Variants in MEI1 observed in about 807,000 individuals in gnomAD.
The protein encoded by MEI1 is meiotic double-stranded break formation protein 1, also known as meiosis inhibitor protein 1.
MEI1 carries 103 observed loss-of-function variants against 146.2 expected under a neutral mutation model. The ratio of observed to expected loss-of-function variants is 0.70; its 90% CI spans 0.60 to 0.83. The LOEUF is 0.83. Among genes scored for constraint, MEI1 ranks in the 40% least tolerant of loss-of-function variants. The pLI is 0.00. For missense variants in MEI1, 1,529 were observed against 1,533.0 expected (o/e 1.00, Z 0.04); for synonymous variants, 652 against 628.2 (o/e 1.04, Z -0.57).
intron 11 of MEI1, among the ~76,000 whole-genome samples, chr22:41,742,519 G>C (rs2147747727): frequency 6.6e-6 from 1 of 152,270 alleles, no homozygotes; most frequent in East Asian, 1.9e-4. Flanking sequence ...CTAAGTGTTT[G>C]GCATACATTA....
intron 3 of MEI1, among the ~76,000 whole-genome samples, chr22:41,712,875 C>T (rs974224867): frequency 7.0e-6 from 1 of 142,666 alleles, no homozygotes; most frequent in South Asian, 2.2e-4. Flanking sequence ...GTGGCGTGAT[C>T]TCGGCTCACT....
intron 22 of MEI1, among the ~76,000 whole-genome samples, chr22:41,779,427 C>A (rs1332340909): frequency 6.6e-6 from 1 of 152,188 alleles, no homozygotes; most frequent in East Asian, 1.9e-4. Flanking sequence ...TGCACCCAGC[C>A]TGGGCAATGG....
intron 21 of MEI1, among the ~76,000 whole-genome samples, chr22:41,777,068 C>T (rs1454114625): frequency 6.6e-6 from 1 of 152,062 alleles, no homozygotes; most frequent in East Asian, 1.9e-4. Context: ...CCGCCCACCT[C>T]AGCCTCCCAA....
At chr22:41,738,840 C>T (rs1411896290) in intron 11 of MEI1, among the ~76,000 whole-genome samples, 1 of 150,170 alleles carries the variant, frequency 6.7e-6, no homozygotes, top group Non-Finnish European at 1.5e-5. Flanking sequence ...TGGTGGCATG[C>T]ACCTATGGTC....
Position 41,763,173 on chromosome 22 carries a change from G to C in MEI1, c.2121-1G>C. On this transcript the variant is annotated splice_acceptor_variant, in intron 18 of 30. Transcript: ENST00000401548. LOFTEE classifies it high-confidence loss of function. ...TCACTCAGGCTTTTCTTGGTTGACA[G>C]GTTTGTCTCAGAGGCAGAGTTATTT... 1.2e-6 allele frequency: 2 copies of C among 1,613,710 alleles called. No homozygotes were observed. Among genetic ancestry groups the C allele is most frequent in the East Asian group, 2.2e-5 (1 of 44,880 alleles).
Position 41,785,919 on chromosome 22 carries a change from T to A in MEI1, c.3345+1136T>A, listed in dbSNP as rs1301418895. Among the ~76,000 whole-genome samples, 28 of 143,148 alleles carry A rather than the reference T, an allele frequency of 2.0e-4. 1 individual carries two copies. Among genetic ancestry groups the A allele is most frequent in the South Asian group, 4.6e-4 (2 of 4,386 alleles). The allele number at this position is 143,148 out of a possible 152,430, so 93.9% of individuals were successfully genotyped here. A position where few individuals can be genotyped will look rare whatever the true frequency, so the allele number is the denominator to read the frequency against. Reference sequence around the variant, plus strand: ...TATTTTTTTATTTTTTATTTTATTTTTTTTTTTTTGAGACGGAGTCTCGCT... The same window carrying A: ...TATTTTTTTATTTTTTATTTTATTTATTTTTTTTTGAGACGGAGTCTCGCT... On this transcript the variant is annotated intron_variant, in intron 26 of 30. Coordinates refer to ENST00000401548, the MANE Select transcript of MEI1 (RefSeq NM_152513.4).
chr22:41,743,297 T>C (rs2073029277), intron 12 of MEI1, 103 bp downstream of exon 12: 1 of 752,798 alleles, frequency 1.3e-6, no homozygotes, highest in Non-Finnish European at 2.2e-6. Context: ...TTCATGACTT[T>C]TTCTCATGCA....
At chr22:41,754,697 T>C (rs985606937) in intron 17 of MEI1, among the ~76,000 whole-genome samples, 1 of 152,148 alleles carries the variant, frequency 6.6e-6, no homozygotes, top group Non-Finnish European at 1.5e-5. Context: ...CCCAAAGTGC[T>C]GAGATTACAG....
intron 6 of MEI1, among the ~76,000 whole-genome samples, chr22:41,721,563 A>C (rs1178381926): frequency 2.3e-5 from 1 of 43,414 alleles, no homozygotes; most frequent in Non-Finnish European, 4.5e-5. Flanking sequence ...CTAATTAAAA[A>C]ATTTTTTTTT....
At chr22:41,712,266 G>A (rs531477570) in intron 3 of MEI1, among the ~76,000 whole-genome samples, 4 of 141,844 alleles carry the variant, frequency 2.8e-5, no homozygotes, top group South Asian at 2.2e-4. Flanking sequence ...ACGGAGTCTC[G>A]CTCTGTTGCC....
intron 18 of MEI1, among the ~76,000 whole-genome samples, chr22:41,762,555 T>G (rs1417439085): frequency 2.0e-5 from 3 of 150,314 alleles, no homozygotes; most frequent in South Asian, 2.1e-4. Context: ...AACTGATTTT[T>G]TTTTTTTTTT....
At chr22:41,790,681 C>T (rs1466491562) in intron 26 of MEI1, among the ~76,000 whole-genome samples, 1 of 152,038 alleles carries the variant, frequency 6.6e-6, no homozygotes, top group Non-Finnish European at 1.5e-5. Flanking sequence ...ACAACCTCTG[C>T]CTCCTGGGTT....
chr22:41,724,129 T>C (rs1242170308), intron 7 of MEI1, 56 bp downstream of exon 7: 2 of 1,595,008 alleles, frequency 1.3e-6, no homozygotes, highest in Non-Finnish European at 1.7e-6. Flanking sequence ...ACCCAAGTGC[T>C]TCTTGGGCCT....
At chr22:41,742,337 G>A (rs756692508) in intron 11 of MEI1, among the ~76,000 whole-genome samples, 1 of 152,154 alleles carries the variant, frequency 6.6e-6, no homozygotes, top group Non-Finnish European at 1.5e-5. Flanking sequence ...TTCCCCAGAA[G>A]AGCTTATTAC....
chr22:41,745,855 A>G (rs1342616095), intron 13 of MEI1, 30 bp from the exon 14 acceptor site: 1 of 1,575,538 alleles, frequency 6.3e-7, no homozygotes, highest in Non-Finnish European at 8.7e-7. Flanking sequence ...CATAGGTGGT[A>G]GTGGATATAC....
intron 8 of MEI1, among the ~76,000 whole-genome samples, 170 bp from the exon 9 acceptor site, chr22:41,730,351 G>C (rs879109076): frequency 6.6e-6 from 1 of 152,150 alleles, no homozygotes; most frequent in African/African-American, 2.4e-5. Flanking sequence ...ATAACCAAGG[G>C]CACTTTCCAG....
chr22:41,699,596 G>T lies in MEI1; in HGVS notation c.58G>T (p.Ala20Ser), dbSNP rs1193247601. The T allele has an allele frequency of 5.7e-5, 92 of 1,612,616 alleles. No individual in the cohort carries two copies. The Admixed American group carries it at 1.5e-3, about 27-fold the overall frequency. Residue 20 changes from alanine (A) to serine (S), a missense_variant, in exon 1 of 31, where the codon GCG becomes TCG. Ala to Ser is a moderately conservative substitution (Grantham distance 99). Around this residue, in one of 3 missense-constraint regions of MEI1, gnomAD observed 1,212 missense variants for 1,178.9 expected, o/e 1.03. Transcript: ENST00000401548. ...TCCCGGGCCCAGGAGAGAGGAAGAG[G>T]CGGCGCTTCTATTCGAGAGGGCCCA... The part of the protein sequence containing the change: ...GTPGPRREEE[A>S]ALLFERAHYR...
intron 16 of MEI1, among the ~76,000 whole-genome samples, chr22:41,753,313 GTGT>G (rs1308401840): frequency 2.0e-5 from 3 of 151,798 alleles, no homozygotes; most frequent in African/African-American, 4.8e-5. Flanking sequence ...CAAAAGTTTT[GTGT>G]TGTTTTTTTT....
chr22:41,723,298 TG>T (rs1285063752), intron 6 of MEI1, among the ~76,000 whole-genome samples: 12 of 152,070 alleles, frequency 7.9e-5, no homozygotes, highest in African/African-American at 2.7e-4. Flanking sequence ...CTGCAACCTG[TG>T]TCTGCTGGGT....
Sources: allele counts gnomAD v4.1 joint callset (sites outside exome capture counted in the v4.1 genomes callset), GRCh38; gene constraint gnomAD v4.1.1; regional missense constraint gnomAD v4.1.1; transcripts MANE v1.5; gene names NCBI Gene and HGNC (gene_info 2026-07-23, HGNC 2026-07-21).